The following PLA2G4A variants were observed in gnomAD, a reference collection of about 807,000 sequenced individuals.
PLA2G4A encodes phospholipase A2 group IVA.
Under a neutral mutation model 81.9 loss-of-function variants are expected in PLA2G4A, and 40 were observed. That is an observed-to-expected ratio of 0.49 (90% confidence interval 0.38 to 0.64). The LOEUF (loss-of-function observed/expected upper bound fraction) is 0.64. Ranked by LOEUF, PLA2G4A falls within the 30% of genes least tolerant of loss-of-function variation. The pLI, the probability that PLA2G4A is intolerant of heterozygous loss-of-function variation, is 0.00. For missense variants in PLA2G4A, 715 were observed against 905.1 expected, an observed-to-expected ratio of 0.79 and a Z score of 2.69; for synonymous variants, 302 against 296.9, an observed-to-expected ratio of 1.02 and a Z score of -0.18.
rs1166014026 is a variant in PLA2G4A at position 186,950,575 on chromosome 1, G to T, written c.1265-82G>T. On this transcript the variant is annotated intron_variant, in intron 12 of 17. Coordinates refer to ENST00000367466, the MANE Select transcript of PLA2G4A (RefSeq NM_024420.3). The stretch of plus-strand genomic sequence containing the variant: ...CTAGTAGATCTCACTCTGTGGTTTT[G>T]CTCAGATTACTTTTTTATATTAAAA... 4 of 745,890 alleles carry T rather than the reference G, an allele frequency of 5.4e-6. No homozygotes were observed. The East Asian group carries it at 1.1e-4, about 20-fold the overall frequency. The allele number at this position is 745,890 out of a possible 1,614,324, so 46.2% of individuals were successfully genotyped here.
At chr1:186,829,395 A>G (rs1381558775) in intron 1 of PLA2G4A, among the ~76,000 whole-genome samples, 1 of 152,222 alleles carries the variant, frequency 6.6e-6, no homozygotes, top group Admixed American at 6.5e-5. Context: ...CCCAAACTTG[A>G]GCAGCAGCAT....
At chr1:186,917,076 A>G (rs1436660854) in intron 7 of PLA2G4A, among the ~76,000 whole-genome samples, 3 of 148,996 alleles carry the variant, frequency 2.0e-5, no homozygotes, top group Non-Finnish European at 4.4e-5. Flanking sequence ...TGGTGGATCC[A>G]GGGTGGGATT....
At chr1:186,899,059 G>C (rs1485838564) in intron 5 of PLA2G4A, among the ~76,000 whole-genome samples, 1 of 152,104 alleles carries the variant, frequency 6.6e-6, no homozygotes, top group African/African-American at 2.4e-5. Flanking sequence ...TGAAAAGCAA[G>C]GTAAATATGT....
chr1:186,977,507 ACCTAGTG>A, intron 15 of PLA2G4A, 79 bp from the exon 16 acceptor site: 1 of 827,546 alleles, frequency 1.2e-6, no homozygotes, highest in Non-Finnish European at 2.1e-6. Context: ...CACAGTAGAC[ACCTAGTG>A]AACACTGAAT....
chr1:186,869,126 G>A (rs1014946905), intron 2 of PLA2G4A, among the ~76,000 whole-genome samples: 3 of 151,398 alleles, frequency 2.0e-5, no homozygotes, highest in African/African-American at 7.3e-5. Context: ...TTAGATTATT[G>A]ATTTTAGTTC....
chr1:186,979,943 C>CTTTTTTTTTTTT (rs34029312), intron 17 of PLA2G4A, among the ~76,000 whole-genome samples: 1 of 98,794 alleles, frequency 1.0e-5, no homozygotes, highest in Non-Finnish European at 2.0e-5. Context: ...ACAGCATTTC[C>CTTTTTTTTTTTT]TTTTTTTTTT....
chr1:186,887,267 T>G (rs1653969964), intron 3 of PLA2G4A, among the ~76,000 whole-genome samples: 2 of 152,228 alleles, frequency 1.3e-5, no homozygotes, highest in South Asian at 4.1e-4. Context: ...TTGCTACTGA[T>G]GAAGGGGAAA....
chr1:186,945,945 T>C (rs1337124754), intron 10 of PLA2G4A, among the ~76,000 whole-genome samples: 1 of 152,184 alleles, frequency 6.6e-6, no homozygotes, highest in Admixed American at 6.6e-5. Flanking sequence ...CACTATCTAC[T>C]TGTGATATGT....
intron 7 of PLA2G4A, among the ~76,000 whole-genome samples, chr1:186,921,780 G>A (rs540418054): frequency 2.0e-5 from 3 of 152,262 alleles, no homozygotes; most frequent in Non-Finnish European, 4.4e-5. Context: ...CTCGGTGGGT[G>A]GAGGGAGAAC....
intron 3 of PLA2G4A, among the ~76,000 whole-genome samples, chr1:186,879,340 G>A (rs1303461309): frequency 6.6e-6 from 1 of 151,910 alleles, no homozygotes; most frequent in Non-Finnish European, 1.5e-5. Flanking sequence ...TTCCAGCAAG[G>A]CCTGACTAAT....
intron 17 of PLA2G4A, among the ~76,000 whole-genome samples, chr1:186,983,486 T>G (rs551168006): frequency 1.7e-3 from 254 of 152,284 alleles, no homozygotes; most frequent in Non-Finnish European, 2.9e-3. Context: ...ACCCTCCTAT[T>G]GCTTCATTTT....
At chr1:186,914,891 C>T (rs1464392548) in intron 7 of PLA2G4A, among the ~76,000 whole-genome samples, 1 of 152,164 alleles carries the variant, frequency 6.6e-6, no homozygotes, top group Admixed American at 6.5e-5. Context: ...TTCATTTTTA[C>T]TACCCATGTC....
intron 5 of PLA2G4A, among the ~76,000 whole-genome samples, chr1:186,903,551 G>A (rs768241713): frequency 1.3e-5 from 2 of 152,158 alleles, no homozygotes; most frequent in South Asian, 2.1e-4. Context: ...CCCATCACTC[G>A]CATTGCTGCT....
intron 1 of PLA2G4A, among the ~76,000 whole-genome samples, chr1:186,841,429 T>C (rs555034933): frequency 6.6e-5 from 10 of 151,998 alleles, no homozygotes; most frequent in Non-Finnish European, 1.5e-4. Context: ...CCAGTGCATG[T>C]GGGGGGCAGG....
chr1:186,883,540 A>T (rs1653820065), intron 3 of PLA2G4A, among the ~76,000 whole-genome samples: 1 of 152,240 alleles, frequency 6.6e-6, no homozygotes, highest in Admixed American at 6.6e-5. Context: ...TTTTGACTAC[A>T]TGAGCAATAC....
chr1:186,981,936 C>T (rs928284000), intron 17 of PLA2G4A, among the ~76,000 whole-genome samples: 2 of 152,064 alleles, frequency 1.3e-5, no homozygotes, highest in African/African-American at 4.8e-5. Flanking sequence ...GACAGTAGCA[C>T]TAAATAAAAT....
chr1:186,958,296 C>T (rs1231437282), intron 14 of PLA2G4A, among the ~76,000 whole-genome samples: 1 of 152,070 alleles, frequency 6.6e-6, no homozygotes, highest in African/African-American at 2.4e-5. Context: ...GTTATAAAGT[C>T]AATATCTCTT....
chr1:186,947,635 A>G (rs12409191), intron 12 of PLA2G4A, among the ~76,000 whole-genome samples: 44,698 of 152,102 alleles, frequency 0.29, 8,673 homozygotes, highest in African/African-American at 0.54. Flanking sequence ...ATTTATATTC[A>G]GTTTCTTCCA....
chr1:186,962,136 T>G (rs1293482782), intron 14 of PLA2G4A, among the ~76,000 whole-genome samples: 1 of 151,782 alleles, frequency 6.6e-6, no homozygotes, highest in Non-Finnish European at 1.5e-5. Flanking sequence ...TTCTACTTAA[T>G]AATGGCCCCA....
Sources: allele counts gnomAD v4.1 joint callset (sites outside exome capture counted in the v4.1 genomes callset), GRCh38; gene constraint gnomAD v4.1.1; transcripts MANE v1.5; gene names NCBI Gene and HGNC (gene_info 2026-07-23, HGNC 2026-07-21).